Variants in DOCK1 observed in about 807,000 individuals in gnomAD.
The protein encoded by DOCK1 is dedicator of cytokinesis protein 1.
Under a neutral mutation model 262.7 loss-of-function variants are expected in DOCK1, and 138 were observed. The observed-to-expected ratio is 0.53, with a 90% CI of 0.46 to 0.61. DOCK1 has a LOEUF of 0.61. DOCK1 is among the 20% of genes least tolerant of loss of function. DOCK1 has a pLI of 0.00. For missense variants in DOCK1, 1,908 were observed against 2,370.7 expected, an observed-to-expected ratio of 0.80 and a Z score of 4.05; for synonymous variants, 866 against 867.4, an observed-to-expected ratio of 1.00 and a Z score of 0.03.
At chr10:127,396,972 C>CTG (rs558170798) in intron 38 of DOCK1, among the ~76,000 whole-genome samples, 3 of 101,826 alleles carry the variant, frequency 2.9e-5, no homozygotes, top group Non-Finnish European at 4.3e-5. Flanking sequence ...GCAGCGTCTC[C>CTG]TGTGATCTGA....
intron 31 of DOCK1, among the ~76,000 whole-genome samples, chr10:127,345,073 C>G (rs1043998713): frequency 1.3e-5 from 2 of 152,098 alleles, no homozygotes; most frequent in African/African-American, 4.8e-5. Flanking sequence ...GTAGGCTATA[C>G]CGTATGGCCG....
chr10:127,166,116 A>G (rs1355758182), intron 27 of DOCK1, among the ~76,000 whole-genome samples: 2 of 152,066 alleles, frequency 1.3e-5, no homozygotes, highest in Non-Finnish European at 2.9e-5. Context: ...CGTAGGCTGG[A>G]GTGCAGGGGC....
At chr10:127,321,909 C>T (rs2062548631) in intron 29 of DOCK1, among the ~76,000 whole-genome samples, 1 of 152,002 alleles carries the variant, frequency 6.6e-6, no homozygotes, top group Non-Finnish European at 1.5e-5. Context: ...ACAAGACCAT[C>T]CTGGTCAACA....
intron 30 of DOCK1, among the ~76,000 whole-genome samples, chr10:127,342,413 T>C (rs1413346155): frequency 1.3e-5 from 2 of 152,220 alleles, no homozygotes; most frequent in African/African-American, 4.8e-5. Flanking sequence ...CCCATTCTGC[T>C]TCATGTGTTA....
Position 127,427,679 on chromosome 10 carries a change from A to AC in DOCK1, c.4914+1669dup, listed in dbSNP as rs890164449. Among the ~76,000 whole-genome samples the AC allele has an allele frequency of 4.6e-5, 7 of 152,332 alleles. No homozygotes were observed. The South Asian group carries it at 6.2e-4, about 14-fold the overall frequency. On this transcript the variant is annotated intron_variant, in intron 47 of 51. Coordinates refer to ENST00000623213, the MANE Select transcript of DOCK1 (RefSeq NM_001290223.2). ...ACTCCAGGGGCTGACATTTGGCACC[A>AC]CAGAGCTTCTCCGCCTCTTTCCCAC...
chr10:127,301,555 A>G (rs935488719), intron 29 of DOCK1, among the ~76,000 whole-genome samples: 5 of 152,186 alleles, frequency 3.3e-5, no homozygotes, highest in African/African-American at 1.2e-4. Flanking sequence ...TCACCGGTGA[A>G]TATATGCATC....
intron 29 of DOCK1, among the ~76,000 whole-genome samples, chr10:127,314,592 G>A: frequency 6.9e-6 from 1 of 145,580 alleles, no homozygotes; most frequent in East Asian, 1.9e-4. Context: ...ATCCTGTTTT[G>A]TTTTTGTTGA....
intron 27 of DOCK1, among the ~76,000 whole-genome samples, chr10:127,213,300 T>A (rs746551963): frequency 8.5e-5 from 13 of 152,126 alleles, no homozygotes; most frequent in Non-Finnish European, 1.9e-4. Context: ...ACAAGATGGG[T>A]AGTTTTTCTT....
chr10:127,009,736 G>A (rs961787282), intron 11 of DOCK1, among the ~76,000 whole-genome samples: 2 of 152,144 alleles, frequency 1.3e-5, no homozygotes, highest in Non-Finnish European at 2.9e-5. Context: ...ACGGTTTTCA[G>A]CTGTTGGCTG....
At chr10:126,987,461 A>G (rs2039489571) in intron 4 of DOCK1, 60 bp from the exon 5 acceptor site, 7 of 1,383,900 alleles carry the variant, frequency 5.1e-6, no homozygotes, top group Non-Finnish European at 7.0e-6. Flanking sequence ...TTTACCAGGT[A>G]CTACTCATAG....
At chr10:127,255,558 C>T (rs1452954698) in intron 28 of DOCK1, among the ~76,000 whole-genome samples, 1 of 152,112 alleles carries the variant, frequency 6.6e-6, no homozygotes, top group Non-Finnish European at 1.5e-5. Flanking sequence ...TAGGGGCCAC[C>T]GCCATGGCTA....
chr10:127,012,331 A>G lies in DOCK1; in HGVS notation c.1158A>G (p.Ile386Met). ...AGENDFLQTV[I>M]NKVIAAKEVN... ...AGAATGACTTCCTTCAGACTGTTAT[A>G]AACAAAGTCATCGCTGCCAAAGAAG... The change falls in exon 12 of 52, where the codon ATA (isoleucine) becomes ATG (methionine). Residue 386 changes from isoleucine to methionine, a missense_variant. Around this residue, in one of 9 missense-constraint regions of DOCK1, gnomAD observed 57 missense variants for 39.7 expected, o/e 1.44. Coordinates refer to ENST00000623213, the MANE Select transcript of DOCK1 (RefSeq NM_001290223.2). This position sits in a 1 kb window ranked among gnomAD's most constrained non-coding sequence, Gnocchi z 4.0. 2 of 1,614,010 alleles carry G rather than the reference A, an allele frequency of 1.2e-6. No individual in the cohort carries two copies. Among genetic ancestry groups the G allele is most frequent in the Middle Eastern group, 1.6e-4 (1 of 6,062 alleles).
At chr10:126,911,510 T>C (rs138182963) in intron 1 of DOCK1, among the ~76,000 whole-genome samples, 2 of 152,292 alleles carry the variant, frequency 1.3e-5, no homozygotes, top group Non-Finnish European at 2.9e-5. Context: ...GGTGGTCGCT[T>C]GTCAAGATGC....
At chr10:127,311,927 C>T (rs1174255642) in intron 29 of DOCK1, among the ~76,000 whole-genome samples, 4 of 151,804 alleles carry the variant, frequency 2.6e-5, no homozygotes, top group Admixed American at 6.6e-5. Context: ...TGCAGTGGGG[C>T]GATCTCATCT....
At chr10:127,304,821 G>T (rs933120056) in intron 29 of DOCK1, among the ~76,000 whole-genome samples, 1 of 152,080 alleles carries the variant, frequency 6.6e-6, no homozygotes, top group African/African-American at 2.4e-5. Context: ...GTTCAAGATT[G>T]CAGAGAGCCA....
At position 127,100,237 on chromosome 10, in the gene DOCK1, C is replaced by G. The variant is rs1435034912; in HGVS notation, c.2446-5994C>G. 6.6e-6 allele frequency among the ~76,000 whole-genome samples: 1 copy of G among 152,170 alleles called. No homozygotes were observed. Among genetic ancestry groups the G allele is most frequent in the East Asian group, 1.9e-4 (1 of 5,188 alleles). ...AGGGAGGGCGGGTAGGAGGCTGTGG[C>G]AGCAAAGCCAATGGGAGGCAGTAGC... On this transcript the variant is annotated intron_variant, in intron 23 of 51. Coordinates refer to ENST00000623213, the MANE Select transcript of DOCK1 (RefSeq NM_001290223.2). This position sits in a 1 kb window ranked among gnomAD's most constrained non-coding sequence, Gnocchi z 5.5.
intron 37 of DOCK1, 94 bp from the exon 38 acceptor site, chr10:127,384,696 C>T (rs897677579): frequency 1.3e-5 from 18 of 1,370,260 alleles, no homozygotes; most frequent in African/African-American, 4.4e-5. Context: ...TCCAGAACCG[C>T]GGCCCACACG....
chr10:127,037,860 T>A, intron 19 of DOCK1, 44 bp downstream of exon 19: 1 of 1,435,210 alleles, frequency 7.0e-7, no homozygotes, highest in Non-Finnish European at 9.3e-7. Flanking sequence ...TTTTTTTTTT[T>A]TTTTTTTAAT....
intron 2 of DOCK1, among the ~76,000 whole-genome samples, chr10:126,971,937 A>G (rs1356284756): frequency 1.3e-5 from 2 of 150,750 alleles, no homozygotes; most frequent in Non-Finnish European, 3.0e-5. Flanking sequence ...TTTTTTTGAG[A>G]CGGAGTTTTG....
Sources: allele counts gnomAD v4.1 joint callset (sites outside exome capture counted in the v4.1 genomes callset), GRCh38; gene constraint gnomAD v4.1.1; regional missense constraint gnomAD v4.1.1; non-coding constraint Gnocchi (gnomAD v3.1); transcripts MANE v1.5; gene names NCBI Gene and HGNC (gene_info 2026-07-23, HGNC 2026-07-21).